The following ST6GALNAC5 variants were observed in gnomAD, a reference collection of about 807,000 sequenced individuals.
The protein encoded by ST6GALNAC5 is alpha-N-acetylgalactosaminide alpha-2,6-sialyltransferase 5.
ST6GALNAC5 carries 27 observed loss-of-function variants against 33.6 expected under a neutral mutation model. The ratio of observed to expected loss-of-function variants is 0.80; its 90% CI spans 0.59 to 1.11. ST6GALNAC5 has a LOEUF of 1.11. ST6GALNAC5 is among the 50% of genes least tolerant of loss of function. ST6GALNAC5 has a pLI of 0.00. For missense variants in ST6GALNAC5, 428 were observed against 454.0 expected, an observed-to-expected ratio of 0.94 and a Z score of 0.52; for synonymous variants, 194 against 171.2, an observed-to-expected ratio of 1.13 and a Z score of -1.04.
intron 2 of ST6GALNAC5, among the ~76,000 whole-genome samples, chr1:77,025,943 C>T (rs1486489070): frequency 6.6e-6 from 1 of 152,184 alleles, no homozygotes; most frequent in Non-Finnish European, 1.5e-5. Context: ...GGAGGCCCAG[C>T]CTCGTCCAAG....
intron 2 of ST6GALNAC5, among the ~76,000 whole-genome samples, chr1:76,897,885 A>G (rs1362802884): frequency 6.6e-6 from 1 of 152,208 alleles, no homozygotes; most frequent in Admixed American, 6.5e-5. Flanking sequence ...GGCAAGGGAA[A>G]CAGGCCTTTG....
chr1:77,056,458 C>T (rs536960574), intron 4 of ST6GALNAC5, among the ~76,000 whole-genome samples: 1 of 152,188 alleles, frequency 6.6e-6, no homozygotes, highest in East Asian at 1.9e-4. Context: ...TATTAATTAG[C>T]GGGGTAATGA....
chr1:77,016,881 T>C (rs1239364698), intron 2 of ST6GALNAC5, among the ~76,000 whole-genome samples: 2 of 152,208 alleles, frequency 1.3e-5, no homozygotes, highest in African/African-American at 2.4e-5. Context: ...GAAAGTAATG[T>C]ACTCCTAATT....
intron 2 of ST6GALNAC5, among the ~76,000 whole-genome samples, chr1:77,001,634 G>A (rs141893945): frequency 0.025 from 3,795 of 152,060 alleles, 159 homozygotes; most frequent in African/African-American, 0.086. Context: ...TGAGTTTGTC[G>A]TAGATAGCTC....
At chr1:77,042,964 G>A (rs934467829) in intron 2 of ST6GALNAC5, among the ~76,000 whole-genome samples, 2 of 152,164 alleles carry the variant, frequency 1.3e-5, no homozygotes, top group Non-Finnish European at 2.9e-5. Context: ...GGCACCACAA[G>A]GCAAGGGAAG....
intron 4 of ST6GALNAC5, among the ~76,000 whole-genome samples, chr1:77,054,228 T>C (rs1652318254): frequency 6.6e-6 from 1 of 152,180 alleles, no homozygotes; most frequent in South Asian, 2.1e-4. Context: ...GTTCACTCTC[T>C]GCCTGTCAGC....
At chr1:76,934,160 G>A (rs1557728362) in intron 2 of ST6GALNAC5, among the ~76,000 whole-genome samples, 1 of 151,954 alleles carries the variant, frequency 6.6e-6, no homozygotes, top group African/African-American at 2.4e-5. Context: ...ATCAAGAGTG[G>A]AATAAAAAGT....
chr1:76,913,539 G>T (rs1213842380), intron 2 of ST6GALNAC5, among the ~76,000 whole-genome samples: 2 of 152,018 alleles, frequency 1.3e-5, no homozygotes, highest in Non-Finnish European at 2.9e-5. Context: ...CATTCTCCCC[G>T]TCACTTTCAG....
chr1:76,906,165 TA>T (rs1646862540), intron 2 of ST6GALNAC5, among the ~76,000 whole-genome samples: 1 of 152,188 alleles, frequency 6.6e-6, no homozygotes, highest in African/African-American at 2.4e-5. Context: ...TAATGTTTTT[TA>T]AAAAAGCCTG....
intron 2 of ST6GALNAC5, among the ~76,000 whole-genome samples, chr1:76,942,014 CAGA>C (rs1352876525): frequency 6.6e-6 from 1 of 152,202 alleles, no homozygotes; most frequent in East Asian, 1.9e-4. Context: ...CCTTAAATGG[CAGA>C]AGGAGTGAGT....
At chr1:77,009,697 G>A (rs1650560964) in intron 2 of ST6GALNAC5, among the ~76,000 whole-genome samples, 1 of 152,030 alleles carries the variant, frequency 6.6e-6, no homozygotes, top group South Asian at 2.1e-4. Context: ...CTTGCGCTTT[G>A]TCTCACCTCC....
chr1:77,010,765 T>G (rs982040998), intron 2 of ST6GALNAC5, among the ~76,000 whole-genome samples: 1 of 152,206 alleles, frequency 6.6e-6, no homozygotes, highest in African/African-American at 2.4e-5. Flanking sequence ...ACTCCTCTCC[T>G]TAAAGATCTT....
intron 2 of ST6GALNAC5, among the ~76,000 whole-genome samples, chr1:76,921,837 A>G (rs1353490005): frequency 1.3e-5 from 2 of 152,194 alleles, no homozygotes; most frequent in Non-Finnish European, 2.9e-5. Flanking sequence ...CAGCAAACTA[A>G]GAATGAGAAG....
intron 2 of ST6GALNAC5, among the ~76,000 whole-genome samples, chr1:76,917,744 C>T (rs570126438): frequency 1.3e-5 from 2 of 152,064 alleles, no homozygotes; most frequent in Admixed American, 1.3e-4. Flanking sequence ...GCTATAGTCT[C>T]CAGGCTGGAG....
intron 2 of ST6GALNAC5, among the ~76,000 whole-genome samples, chr1:76,901,398 C>A (rs534081880): frequency 6.6e-6 from 1 of 152,152 alleles, no homozygotes; most frequent in Non-Finnish European, 1.5e-5. Context: ...GCAGTGGGCA[C>A]TGTTTAGTAT....
At chr1:76,990,239 T>C (rs1012663861) in intron 2 of ST6GALNAC5, among the ~76,000 whole-genome samples, 2 of 152,130 alleles carry the variant, frequency 1.3e-5, no homozygotes, top group South Asian at 2.1e-4. Context: ...TCTGAAGGTA[T>C]TTTTTTCCTT....
chr1:77,066,029 G>A lies in ST6GALNAC5; in HGVS notation c.*2823G>A, dbSNP rs199723. On this transcript the variant is annotated 3_prime_UTR_variant, in exon 5 of 5. Coordinates refer to ENST00000477717, the MANE Select transcript of ST6GALNAC5 (RefSeq NM_030965.3). ...AGGAATCTCAGATTTAATATTCTACGGTAAATATTCACCCAAGAAAGCATA... is the reference window on the plus strand; with the variant it reads ...AGGAATCTCAGATTTAATATTCTACAGTAAATATTCACCCAAGAAAGCATA... 0.39 allele frequency among the ~76,000 whole-genome samples: 58,617 copies of A among 151,976 alleles called. 12,120 individuals carry two copies. The highest frequency in any genetic ancestry group is 0.54 in the African/African-American group (22,189 of 41,438).
chr1:76,920,529 C>G (rs912565644), intron 2 of ST6GALNAC5, among the ~76,000 whole-genome samples: 1 of 152,160 alleles, frequency 6.6e-6, no homozygotes, highest in African/African-American at 2.4e-5. Flanking sequence ...GGCCAGTACC[C>G]CAAACTAACA....
chr1:76,975,867 G>A (rs745379375), intron 2 of ST6GALNAC5, among the ~76,000 whole-genome samples: 2 of 152,130 alleles, frequency 1.3e-5, no homozygotes, highest in Non-Finnish European at 2.9e-5. Flanking sequence ...GGCTGAGATG[G>A]GCAGATTGCT....
Sources: allele counts gnomAD v4.1 joint callset (sites outside exome capture counted in the v4.1 genomes callset), GRCh38; gene constraint gnomAD v4.1.1; transcripts MANE v1.5; gene names NCBI Gene and HGNC (gene_info 2026-07-23, HGNC 2026-07-21).